Variants in COG8 observed in about 807,000 individuals in gnomAD.
The protein encoded by COG8 is conserved oligomeric Golgi complex subunit 8.
COG8 carries 45 observed loss-of-function variants against 46.5 expected under a neutral mutation model. That is an observed-to-expected ratio of 0.97 (90% CI 0.76 to 1.24). The LOEUF (loss-of-function observed/expected upper bound fraction) is 1.24, where lower values mean the gene tolerates loss of function less well. Among genes scored for constraint, COG8 ranks in the 50% most tolerant of loss-of-function variants. COG8 has a pLI of 0.00. For missense variants in COG8, 793 were observed against 820.8 expected, an observed-to-expected ratio of 0.97 and a Z score of 0.41; for synonymous variants, 407 against 347.8, an observed-to-expected ratio of 1.17 and a Z score of -1.90.
intron 1 of COG8, chr16:69,338,238 A>G (rs1456366025): frequency 1.3e-5 from 2 of 152,038 alleles, no homozygotes; most frequent in Non-Finnish European, 2.9e-5. Context: ...CACCACGACC[A>G]GCTAATTTTT....
At chr16:69,329,236 A>C (rs1597219068) in intron 5 of COG8, 57 bp from the exon 6 acceptor site, 1 of 1,478,246 alleles carries the variant, frequency 6.8e-7, no homozygotes, top group South Asian at 1.4e-5. Flanking sequence ...ATCATCCTCA[A>C]CCTCCCTACC....
chr16:69,333,625 C>T (rs2012022968), intron 3 of COG8, among the ~76,000 whole-genome samples: 1 of 152,188 alleles, frequency 6.6e-6, no homozygotes, highest in South Asian at 2.1e-4. Context: ...AGAGAAGTTT[C>T]AAAACCAACA....
chr16:69,334,989 G>A lies in COG8; in HGVS notation c.945C>T (p.Phe315=). Residue 315 remains phenylalanine, a synonymous_variant, in exon 3 of 6, where the codon TTC becomes TTT. Transcript: ENST00000306875. ...GEHTVNESAI[F]HGWVLQKVSQ... The stretch of plus-strand genomic sequence containing the variant: ...AGACCTTCTGTAGCACCCAGCCATG[G>A]AAGATGGCACTCTCATTCACAGTGT... The A allele has an allele frequency of 6.2e-7, 1 of 1,614,168 alleles. No homozygotes were observed. The highest frequency in any genetic ancestry group is 8.5e-7 in the Non-Finnish European group (1 of 1,180,032).
intron 1 of COG8, 92 bp downstream of exon 1, chr16:69,339,084 C>A: frequency 1.3e-6 from 2 of 1,563,590 alleles, no homozygotes; most frequent in Admixed American, 1.7e-5. Context: ...GAACCTGGAA[C>A]GTGGTAAACG....
At chr16:69,330,145 G>C (rs766395835) in intron 5 of COG8, 2 of 1,556,102 alleles carry the variant, frequency 1.3e-6, no homozygotes, top group Non-Finnish European at 1.7e-6. Flanking sequence ...CCATTTGGCG[G>C]AGCGCGCGCT....
At chr16:69,329,438 G>A (rs887472883) in intron 5 of COG8, among the ~76,000 whole-genome samples, 1 of 152,244 alleles carries the variant, frequency 6.6e-6, no homozygotes, top group East Asian at 1.9e-4. Context: ...ATCTTTCTAC[G>A]GTGCGACCCT....
At chr16:69,330,773 G>C (rs769366329) in intron 5 of COG8, 40 bp downstream of exon 5, 2 of 1,474,390 alleles carry the variant, frequency 1.4e-6, no homozygotes, top group Non-Finnish European at 1.8e-6. Flanking sequence ...CTTCCAGGGC[G>C]AGGCAGTCCT....
intron 1 of COG8, 71 bp from the exon 2 acceptor site, chr16:69,336,783 C>T: frequency 7.7e-7 from 1 of 1,301,172 alleles, no homozygotes; most frequent in Non-Finnish European, 1.1e-6. Context: ...TTACCAAGTA[C>T]CTGCTATGAA....
chr16:69,335,430 C>T, intron 2 of COG8, 82 bp from the exon 3 acceptor site: 2 of 1,116,402 alleles, frequency 1.8e-6, no homozygotes, highest in African/African-American at 1.5e-5. Context: ...AGACTGCAGA[C>T]CAACATTCCC....
At position 69,328,548 on chromosome 16, in the gene COG8, TCTTTC is replaced by T. The variant is rs2143294192; in HGVS notation, c.*653_*657del. On this transcript the variant is annotated 3_prime_UTR_variant, in exon 6 of 6. Transcript: ENST00000306875. ...ACACATCCTTGAACAGGGACTATTC[TCTTTC>T]ATTTCCATAAGCAAACTGGCGTCTA... 2 of 175,558 alleles carry T rather than the reference TCTTTC, an allele frequency of 1.1e-5. No homozygotes were observed. The highest frequency in any genetic ancestry group is 6.5e-5 in the Admixed American group (1 of 15,406). 10.9% of individuals were successfully genotyped at this position (175,558 alleles called of 1,614,324 possible).
In COG8 at chr16:69,327,986, C is replaced by T. The variant is rs1965656005; in HGVS notation, c.*1220G>A. The T allele has an allele frequency of 6.6e-6, 1 of 151,312 alleles. No individual in the cohort carries two copies. The highest frequency in any genetic ancestry group is 6.6e-5 in the Admixed American group (1 of 15,208). 9.4% of individuals were successfully genotyped at this position (151,312 alleles called of 1,614,324 possible). ...ATACTTTTGAGTCTCGCTCTGTCGC[C>T]CAGGCTGGATGGAGTGCAGTGGCGT... On this transcript the variant is annotated 3_prime_UTR_variant, in exon 6 of 6. Coordinates refer to ENST00000306875, the MANE Select transcript of COG8 (RefSeq NM_032382.5).
In COG8 at chr16:69,328,183, T is replaced by C. The variant is rs1345243633; in HGVS notation, c.*1023A>G. The stretch of plus-strand genomic sequence containing the variant: ...GGCTGGTCTTGAGCTCCTGACCTCG[T>C]GATCCACCCGCCCCGCCCTCCCAAA... On this transcript the variant is annotated 3_prime_UTR_variant, in exon 6 of 6. Coordinates refer to ENST00000306875, the MANE Select transcript of COG8 (RefSeq NM_032382.5). The C allele has an allele frequency of 6.6e-6, 1 of 152,300 alleles. No individual in the cohort carries two copies. Among genetic ancestry groups the C allele is most frequent in the African/African-American group, 2.4e-5 (1 of 41,464 alleles). The allele number at this position is 152,300 out of a possible 1,614,324, so 9.4% of individuals were successfully genotyped here.
rs1461039462 is a variant in COG8 at position 69,326,603 on chromosome 16, T to C, written c.*2603A>G. On this transcript the variant is annotated 3_prime_UTR_variant, in exon 6 of 6. Coordinates refer to ENST00000306875, the MANE Select transcript of COG8 (RefSeq NM_032382.5). The stretch of plus-strand genomic sequence containing the variant: ...AGCGTGAAGACACCTGACTTTCCAG[T>C]TGTCTCTCTCCATGACCAGCAACAG... 1 of 152,238 alleles carries C rather than the reference T, an allele frequency of 6.6e-6. No homozygotes were observed. Among genetic ancestry groups the C allele is most frequent in the Non-Finnish European group, 1.5e-5 (1 of 68,052 alleles). 9.4% of individuals were successfully genotyped at this position (152,238 alleles called of 1,614,324 possible). A position where few individuals can be genotyped will look rare whatever the true frequency, so the allele number is the denominator to read the frequency against.
At chr16:69,330,408 G>C in intron 5 of COG8, 1 of 1,478,532 alleles carries the variant, frequency 6.8e-7, no homozygotes, top group Middle Eastern at 2.3e-4. Flanking sequence ...CCCAGCACCA[G>C]ACGCCTCAGG....
intron 1 of COG8, among the ~76,000 whole-genome samples, chr16:69,337,008 G>A (rs552860585): frequency 2.9e-4 from 44 of 152,222 alleles, no homozygotes; most frequent in South Asian, 1.7e-3. Flanking sequence ...TTAGTAAAAC[G>A]GTATATAGGG....
chr16:69,330,713 T>TCCGCTCTCCTC, intron 5 of COG8, 100 bp downstream of exon 5: 1 of 1,407,986 alleles, frequency 7.1e-7, no homozygotes, highest in Non-Finnish European at 9.3e-7. Context: ...ACCGCCCCCT[T>TCCGCTCTCCTC]CCGCTCTCCT....
chr16:69,327,992 T>G lies in COG8; in HGVS notation c.*1214A>C, dbSNP rs1965656228. ...TTGAGTCTCGCTCTGTCGCCCAGGC[T>G]GGATGGAGTGCAGTGGCGTGATCTC... On this transcript the variant is annotated 3_prime_UTR_variant, in exon 6 of 6. Coordinates refer to ENST00000306875, the MANE Select transcript of COG8 (RefSeq NM_032382.5). 2.2e-5 allele frequency: 3 copies of G among 136,870 alleles called. No individual in the cohort carries two copies. The highest frequency in any genetic ancestry group is 4.2e-4 in the South Asian group (2 of 4,724). 8.5% of individuals were successfully genotyped at this position (136,870 alleles called of 1,614,324 possible). A position where few individuals can be genotyped will look rare whatever the true frequency, so the allele number is the denominator to read the frequency against.
Position 69,329,142 on chromosome 16 carries a change from C to G in COG8, c.*64G>C, listed in dbSNP as rs761040407. 3 of 1,608,270 alleles carry G rather than the reference C, an allele frequency of 1.9e-6. No homozygotes were observed. Among genetic ancestry groups the G allele is most frequent in the East Asian group, 2.2e-5 (1 of 44,688 alleles). On this transcript the variant is annotated 3_prime_UTR_variant, in exon 6 of 6. Coordinates refer to ENST00000306875, the MANE Select transcript of COG8 (RefSeq NM_032382.5). ...GGATGATGCGGGCTGCCCACCCGCT[C>G]GCCTGCCACACCACCTGTTCTCCAT...
chr16:69,336,493 C>A lies in COG8; in HGVS notation c.585+12G>T, dbSNP rs2012211961. On this transcript the variant is annotated intron_variant, in intron 2 of 5. Coordinates refer to ENST00000306875, the MANE Select transcript of COG8 (RefSeq NM_032382.5). ...AACATTACTTTGAGTCCTCTCTGGG[C>A]AAGGTGGCTACCTGGATGACAGGGA... is the stretch of plus-strand genomic sequence containing the variant. 1 of 1,613,332 alleles carries A rather than the reference C, an allele frequency of 6.2e-7. No homozygotes were observed. Among genetic ancestry groups the A allele is most frequent in the South Asian group, 1.1e-5 (1 of 91,052 alleles).
Sources: gnomAD v4.1 joint callset for allele counts (sites outside exome capture counted in the v4.1 genomes callset) on GRCh38, gnomAD v4.1.1 for gene constraint, MANE v1.5 for transcripts, NCBI Gene and HGNC (gene_info 2026-07-23, HGNC 2026-07-21) for gene names.